GALNT17: variants seen among roughly 807,000 people sequenced by gnomAD.
The protein encoded by GALNT17 is UDP-GalNAc:polypeptide N-acetylgalactosaminyltransferase-like 3.
In GALNT17, 29 loss-of-function variants were observed where a neutral mutation model predicts 63.7. That is an observed-to-expected ratio of 0.46 (90% CI 0.34 to 0.62). The LOEUF (loss-of-function observed/expected upper bound fraction) is 0.62, where lower values mean the gene tolerates loss of function less well. Ranked by LOEUF, GALNT17 falls within the 20% of genes least tolerant of loss-of-function variation. GALNT17 has a pLI of 0.01. For missense variants in GALNT17, 603 were observed against 799.6 expected (o/e 0.75, Z 2.97); for synonymous variants, 305 against 318.3 (o/e 0.96, Z 0.45).
chr7:71,567,410 CCATTG>C (rs1789367300), intron 5 of GALNT17, among the ~76,000 whole-genome samples: 1 of 152,172 alleles, frequency 6.6e-6, no homozygotes, highest in East Asian at 1.9e-4. Context: ...TGCACTGGGC[CCATTG>C]CAGGTTTTCT....
At chr7:71,695,074 G>A (rs1188864252) in intron 9 of GALNT17, among the ~76,000 whole-genome samples, 1 of 152,214 alleles carries the variant, frequency 6.6e-6, no homozygotes, top group Non-Finnish European at 1.5e-5. Flanking sequence ...AGTCAAAGGT[G>A]TGCTTTGAAG....
At chr7:71,156,652 GCCTCCCTTCCTTCTTCCCTCCCTC>G (rs1168138868) in intron 1 of GALNT17, among the ~76,000 whole-genome samples, 6 of 111,124 alleles carry the variant, frequency 5.4e-5, no homozygotes, top group Admixed American at 1.1e-4. Flanking sequence ...TCCCCTCCCT[GCCTCCCTTCCTTCTTCCCTCCCTC>G]CCTCCCTTCC....
At chr7:71,221,546 G>A (rs1789584900) in intron 1 of GALNT17, among the ~76,000 whole-genome samples, 1 of 151,954 alleles carries the variant, frequency 6.6e-6, no homozygotes, top group African/African-American at 2.4e-5. Context: ...TTCTGTTCGT[G>A]TTGCCTGTCT....
chr7:71,412,285 C>G (rs1490249773), intron 3 of GALNT17, among the ~76,000 whole-genome samples: 2 of 152,118 alleles, frequency 1.3e-5, no homozygotes, highest in Non-Finnish European at 2.9e-5. Context: ...TTCCTGCCTC[C>G]TAAATACATG....
intron 5 of GALNT17, among the ~76,000 whole-genome samples, chr7:71,564,145 T>C (rs117932639): frequency 0.01 from 1,569 of 152,254 alleles, 14 homozygotes; most frequent in Middle Eastern, 0.02. Context: ...GAACAGAGGC[T>C]TTCTGCTTCT....
At chr7:71,240,081 G>A (rs767626690) in intron 1 of GALNT17, among the ~76,000 whole-genome samples, 7 of 152,156 alleles carry the variant, frequency 4.6e-5, no homozygotes, top group South Asian at 2.1e-4. Context: ...CATTTCCCAC[G>A]TTTTCCCTTA....
intron 1 of GALNT17, among the ~76,000 whole-genome samples, chr7:71,278,300 T>C (rs1328934342): frequency 6.6e-6 from 1 of 152,210 alleles, no homozygotes; most frequent in Non-Finnish European, 1.5e-5. Flanking sequence ...ACTGCTGTAC[T>C]GGATGGCTTC....
intron 1 of GALNT17, among the ~76,000 whole-genome samples, chr7:71,152,269 C>T (rs909705879): frequency 6.6e-6 from 1 of 152,040 alleles, no homozygotes; most frequent in African/African-American, 2.4e-5. Flanking sequence ...TAAAAGCATC[C>T]TTGGGCTGCG....
chr7:71,528,316 G>T (rs1287239562), intron 5 of GALNT17, among the ~76,000 whole-genome samples: 1 of 152,200 alleles, frequency 6.6e-6, no homozygotes. Flanking sequence ...TCTGCCATTA[G>T]ATATGGCCAG....
At chr7:71,564,331 C>A (rs1219519829) in intron 5 of GALNT17, among the ~76,000 whole-genome samples, 4 of 129,926 alleles carry the variant, frequency 3.1e-5, no homozygotes, top group African/African-American at 1.1e-4. Context: ...GTCACCCAGG[C>A]TGGAGTGCAG....
At chr7:71,142,094 T>C (rs1218925591) in intron 1 of GALNT17, among the ~76,000 whole-genome samples, 1 of 151,650 alleles carries the variant, frequency 6.6e-6, no homozygotes, top group Non-Finnish European at 1.5e-5. Flanking sequence ...TGTCTTGAAC[T>C]CCTGACCTCA....
chr7:71,556,694 G>A (rs1789167885), intron 5 of GALNT17, among the ~76,000 whole-genome samples: 1 of 151,882 alleles, frequency 6.6e-6, no homozygotes, highest in Non-Finnish European at 1.5e-5. Context: ...CGAGTATCTG[G>A]GACTACAAGC....
chr7:71,534,363 G>A (rs1263158074), intron 5 of GALNT17, among the ~76,000 whole-genome samples: 1 of 152,096 alleles, frequency 6.6e-6, no homozygotes, highest in Non-Finnish European at 1.5e-5. Flanking sequence ...ACTTTGGGAG[G>A]CCGAGGCGGG....
intron 3 of GALNT17, among the ~76,000 whole-genome samples, chr7:71,398,659 G>A (rs771724477): frequency 2.0e-5 from 3 of 152,154 alleles, no homozygotes; most frequent in Non-Finnish European, 4.4e-5. Context: ...CTTAAATAGT[G>A]ATTAGACAGC....
chr7:71,155,429 A>T (rs1265574301), intron 1 of GALNT17, among the ~76,000 whole-genome samples: 3 of 151,346 alleles, frequency 2.0e-5, no homozygotes, highest in African/African-American at 7.3e-5. Context: ...GTGCACCACC[A>T]TGCCTGGCTA....
intron 6 of GALNT17, among the ~76,000 whole-genome samples, chr7:71,622,646 C>G (rs1313821508): frequency 6.6e-6 from 1 of 152,160 alleles, no homozygotes; most frequent in Non-Finnish European, 1.5e-5. Context: ...TGACCTGACT[C>G]TTTCTGGATT....
intron 1 of GALNT17, among the ~76,000 whole-genome samples, chr7:71,259,638 G>GTTTTTTTTTTTTTTTTTTTTTTTTT (rs1219751607): frequency 7.2e-6 from 1 of 137,970 alleles, no homozygotes. Context: ...TTTGTTTTTT[G>GTTTTTTTTTTTTTTTTTTTTTTTTT]TTTTTTTGTT....
intron 4 of GALNT17, among the ~76,000 whole-genome samples, chr7:71,417,782 C>T (rs1194549113): frequency 6.6e-6 from 1 of 152,178 alleles, no homozygotes; most frequent in Non-Finnish European, 1.5e-5. Context: ...TCGTTTCTTT[C>T]CTTTCAAAAC....
intron 2 of GALNT17, among the ~76,000 whole-genome samples, chr7:71,338,405 A>G (rs530481091): frequency 1.3e-5 from 2 of 151,844 alleles, no homozygotes; most frequent in Admixed American, 6.6e-5. Flanking sequence ...GTGCATGCCT[A>G]TATAGTCCCA....
Sources: allele counts gnomAD v4.1 joint callset (sites outside exome capture counted in the v4.1 genomes callset), GRCh38; gene constraint gnomAD v4.1.1; transcripts MANE v1.5; gene names NCBI Gene and HGNC (gene_info 2026-07-23, HGNC 2026-07-21).